Variants in SEMA3D observed in about 807,000 individuals in gnomAD.
SEMA3D encodes the protein semaphorin 3D.
SEMA3D carries 84 observed loss-of-function variants against 100.1 expected under a neutral mutation model. The observed-to-expected ratio is 0.84, with a 90% CI of 0.70 to 1.01. SEMA3D has a LOEUF of 1.01. SEMA3D is among the 50% of genes least tolerant of loss of function. The pLI is 0.00. For synonymous variants in SEMA3D, 312 were observed against 320.7 expected (o/e 0.97, Z 0.29); for missense variants, 875 against 934.1 (o/e 0.94, Z 0.82).
the SEMA3D span, among the ~76,000 whole-genome samples, chr7:85,239,365 C>T: frequency 1.3e-5 from 2 of 152,130 alleles, no homozygotes; most frequent in Non-Finnish European, 2.9e-5. Context: ...TCCACTGCCA[C>T]GTGAGGAAAC....
chr7:85,086,932 C>T (rs1422277514), intron 4 of SEMA3D, among the ~76,000 whole-genome samples: 2 of 152,048 alleles, frequency 1.3e-5, no homozygotes, highest in Non-Finnish European at 2.9e-5. Flanking sequence ...AATATAATGT[C>T]CACATTATCT....
intron 1 of SEMA3D, among the ~76,000 whole-genome samples, chr7:85,165,186 G>A (rs1317814708): frequency 1.3e-5 from 2 of 150,404 alleles, no homozygotes; most frequent in Non-Finnish European, 2.9e-5. Context: ...TGCACGTTGT[G>A]CACATGTACC....
chr7:85,127,780 G>T (rs1205057228), intron 2 of SEMA3D, among the ~76,000 whole-genome samples: 1 of 152,108 alleles, frequency 6.6e-6, no homozygotes, highest in Non-Finnish European at 1.5e-5. Context: ...CATCAGAGTT[G>T]ACCTTTCTTC....
chr7:85,212,034 T>C, the SEMA3D span, among the ~76,000 whole-genome samples: 1 of 152,108 alleles, frequency 6.6e-6, no homozygotes, highest in African/African-American at 2.4e-5. Flanking sequence ...CCTGATGCCA[T>C]CACTAATCTC....
chr7:85,015,287 A>C (rs977681289), intron 15 of SEMA3D, 71 bp from the exon 16 acceptor site: 56 of 1,385,602 alleles, frequency 4.0e-5, no homozygotes, highest in Non-Finnish European at 5.6e-5. Context: ...CTTTTCTTGA[A>C]TATCACATAA....
chr7:85,124,123 A>G (rs1562827237), intron 2 of SEMA3D, among the ~76,000 whole-genome samples: 1 of 151,884 alleles, frequency 6.6e-6, no homozygotes, highest in Non-Finnish European at 1.5e-5. Context: ...ATTGCCACAA[A>G]ACAGTCACTT....
chr7:85,216,129 T>C, the SEMA3D span, among the ~76,000 whole-genome samples: 1 of 152,124 alleles, frequency 6.6e-6, no homozygotes, highest in South Asian at 2.1e-4. Context: ...AAGCTCACAC[T>C]GTGGATGTAA....
chr7:85,188,731 C>T (rs1056338069), upstream of SEMA3D, among the ~76,000 whole-genome samples: 4 of 152,036 alleles, frequency 2.6e-5, no homozygotes, highest in African/African-American at 9.7e-5. Context: ...TTCCCATTTT[C>T]CTCCTTTCTC....
intron 16 of SEMA3D, among the ~76,000 whole-genome samples, chr7:85,013,113 T>G (rs1042854083): frequency 5.3e-5 from 8 of 151,774 alleles, no homozygotes; most frequent in Admixed American, 2.6e-4. Context: ...TTTTCACAAA[T>G]TATTCAACAA....
intron 4 of SEMA3D, among the ~76,000 whole-genome samples, chr7:85,092,487 T>C (rs1313782324): frequency 6.6e-6 from 1 of 152,012 alleles, no homozygotes; most frequent in Admixed American, 6.6e-5. Context: ...TTTATTTCTA[T>C]AATGCATATA....
chr7:85,074,789 C>T (rs772480312), intron 5 of SEMA3D, among the ~76,000 whole-genome samples: 57 of 151,930 alleles, frequency 3.8e-4, no homozygotes, highest in African/African-American at 1.0e-3. Flanking sequence ...GGGTAATTTT[C>T]GTGTTTTTTT....
the SEMA3D span, among the ~76,000 whole-genome samples, chr7:85,193,350 T>A: frequency 6.6e-6 from 1 of 152,058 alleles, no homozygotes; most frequent in Non-Finnish European, 1.5e-5. Flanking sequence ...GAGCTTTACA[T>A]CCTGGAGCTG....
At chr7:85,206,383 G>A in the SEMA3D span, among the ~76,000 whole-genome samples, 1 of 152,078 alleles carries the variant, frequency 6.6e-6, no homozygotes, top group African/African-American at 2.4e-5. Flanking sequence ...GATGAAGGGG[G>A]GAAATAGACA....
At position 85,094,781 on chromosome 7, in the gene SEMA3D, G is replaced by A. The variant is rs540766878; in HGVS notation, c.312+3024C>T. ...ACCCCGTCCCAGAGAAGGAGTCCACGAGTATTCCCTAGCCGAAGAGAGGCC... is the reference window on the plus strand; with the variant it reads ...ACCCCGTCCCAGAGAAGGAGTCCACAAGTATTCCCTAGCCGAAGAGAGGCC... On this transcript the variant is annotated intron_variant, in intron 4 of 18. Transcript: ENST00000284136. Among the ~76,000 whole-genome samples, 8 of 152,016 alleles carry A rather than the reference G, an allele frequency of 5.3e-5. No individual in the cohort carries two copies. In the South Asian group the frequency reaches 1.0e-3, roughly 20 times the overall value.
chr7:85,136,078 C>G (rs1789858029), intron 2 of SEMA3D, among the ~76,000 whole-genome samples: 1 of 152,004 alleles, frequency 6.6e-6, no homozygotes, highest in Non-Finnish European at 1.5e-5. Flanking sequence ...ATGCAAGCTA[C>G]TCAGAGGAAA....
At chr7:85,007,451 T>C (rs888417853) in intron 17 of SEMA3D, among the ~76,000 whole-genome samples, 2 of 151,798 alleles carry the variant, frequency 1.3e-5, no homozygotes, top group Non-Finnish European at 2.9e-5. Context: ...AATTCTATGA[T>C]GATGATGATG....
chr7:85,028,950 G>A, intron 12 of SEMA3D: 1 of 288,634 alleles, frequency 3.5e-6, no homozygotes. Context: ...TGATGCAGCT[G>A]TCCAGGCAGC....
chr7:85,174,098 C>T (rs1791159850), intron 1 of SEMA3D, among the ~76,000 whole-genome samples: 1 of 152,102 alleles, frequency 6.6e-6, no homozygotes, highest in Non-Finnish European at 1.5e-5. Flanking sequence ...ATAACCTCCA[C>T]ATAGATAAAA....
rs944590628 is a variant in SEMA3D, at chr7:85,098,995, T to G, written c.152-1030A>C. 3.3e-5 allele frequency among the ~76,000 whole-genome samples: 5 copies of G among 152,038 alleles called. No homozygotes were observed. The East Asian group carries it at 5.8e-4, about 18-fold the overall frequency. ...CATTTAAGTTTGCTCCATGTTTTCA[T>G]GGCTTGATAGCTCATCCTTTATTAG... On this transcript the variant is annotated intron_variant, in intron 3 of 18. Coordinates refer to ENST00000284136, the MANE Select transcript of SEMA3D (RefSeq NM_001384900.1).
Sources: gnomAD v4.1 joint callset for allele counts (sites outside exome capture counted in the v4.1 genomes callset) on GRCh38, gnomAD v4.1.1 for gene constraint, MANE v1.5 for transcripts, NCBI Gene and HGNC (gene_info 2026-07-23, HGNC 2026-07-21) for gene names.